Variants in RBFOX1 observed in about 807,000 individuals in gnomAD.
The protein encoded by RBFOX1 is RNA binding protein fox-1 homolog 1.
In RBFOX1, 8 loss-of-function variants were observed where a neutral mutation model predicts 57.7. The ratio of observed to expected loss-of-function variants is 0.14; its 90% CI spans 0.08 to 0.25. The LOEUF (loss-of-function observed/expected upper bound fraction) is 0.25, where lower values mean the gene tolerates loss of function less well. Among genes scored for constraint, RBFOX1 ranks in the 10% least tolerant of loss-of-function variants. The probability of loss-of-function intolerance (pLI) is 1.00; values close to 1 mark genes in which losing one functional copy is unlikely to be tolerated. For missense variants in RBFOX1, 611 were observed against 548.5 expected (o/e 1.11, Z -1.14); for synonymous variants, 326 against 222.4 (o/e 1.47, Z -4.15).
chr16:7,012,014 C>T (rs1351747797), intron 3 of RBFOX1, among the ~76,000 whole-genome samples: 1 of 152,066 alleles, frequency 6.6e-6, no homozygotes, highest in African/African-American at 2.4e-5. Context: ...GAGGTCTAGT[C>T]CAGTCACTGT....
At chr16:6,657,091 CCCTTTACTCTCCTCT>C (rs1358904759) in intron 3 of RBFOX1, among the ~76,000 whole-genome samples, 2 of 86,534 alleles carry the variant, frequency 2.3e-5, no homozygotes, top group Admixed American at 2.8e-4. Flanking sequence ...TCCTCTCCTC[CCCTTTACTCTCCTCT>C]CCTCCCCTCT....
intron 2 of RBFOX1, among the ~76,000 whole-genome samples, chr16:6,403,249 T>C (rs2093147197): frequency 6.6e-6 from 1 of 152,206 alleles, no homozygotes; most frequent in Admixed American, 6.5e-5. Context: ...AAACAAAAGT[T>C]TGAGAAGCAC....
intron 3 of RBFOX1, among the ~76,000 whole-genome samples, chr16:5,611,971 A>G (rs1002145723): frequency 1.2e-4 from 18 of 151,842 alleles, no homozygotes; most frequent in African/African-American, 4.4e-4. Flanking sequence ...ACAAAAAATA[A>G]AATAAAAACA....
At chr16:5,401,570 AC>A (rs368884789) in intron 1 of RBFOX1, among the ~76,000 whole-genome samples, 9 of 151,862 alleles carry the variant, frequency 5.9e-5, no homozygotes, top group African/African-American at 2.2e-4. Context: ...TAATTTTGAC[AC>A]CCTTCCCCTA....
At chr16:7,215,725 ATTTT>A in intron 4 of RBFOX1, among the ~76,000 whole-genome samples, 1 of 133,342 alleles carries the variant, frequency 7.5e-6, no homozygotes, top group African/African-American at 2.9e-5. Flanking sequence ...CCTATTCTGG[ATTTT>A]TTTTTTTTTT....
intron 1 of RBFOX1, among the ~76,000 whole-genome samples, chr16:6,292,266 T>C (rs1300780584): frequency 6.6e-6 from 1 of 151,374 alleles, no homozygotes; most frequent in East Asian, 1.9e-4. Context: ...TCTCTAAAAA[T>C]AAAATAGAAA....
chr16:7,558,923 TA>T (rs2089574746), intron 5 of RBFOX1, among the ~76,000 whole-genome samples: 2 of 152,252 alleles, frequency 1.3e-5, no homozygotes, highest in Non-Finnish European at 2.9e-5. Flanking sequence ...GCATTTATGC[TA>T]AATGAACCCC....
chr16:7,599,421 A>G (rs2094889289), intron 9 of RBFOX1, among the ~76,000 whole-genome samples: 1 of 151,642 alleles, frequency 6.6e-6, no homozygotes, highest in Non-Finnish European at 1.5e-5. Context: ...TTATTGATCA[A>G]TTTTATGACC....
At chr16:6,519,762 C>T (rs917022357) in intron 2 of RBFOX1, among the ~76,000 whole-genome samples, 6 of 152,038 alleles carry the variant, frequency 3.9e-5, no homozygotes, top group Admixed American at 2.6e-4. Context: ...TATTGTATGC[C>T]CGGTTCTGTA....
intron 4 of RBFOX1, among the ~76,000 whole-genome samples, chr16:7,473,923 C>G (rs1205398571): frequency 6.6e-6 from 1 of 152,192 alleles, no homozygotes; most frequent in Admixed American, 6.5e-5. Context: ...CCTCAAGCAC[C>G]TTTTGAACTC....
intron 1 of RBFOX1, among the ~76,000 whole-genome samples, chr16:5,259,068 G>T (rs1368000385): frequency 6.6e-6 from 1 of 152,172 alleles, no homozygotes; most frequent in Non-Finnish European, 1.5e-5. Flanking sequence ...CTCTGATGCT[G>T]ATAAAGCCCA....
At chr16:6,750,103 T>G (rs2074628294) in intron 3 of RBFOX1, among the ~76,000 whole-genome samples, 1 of 152,162 alleles carries the variant, frequency 6.6e-6, no homozygotes, top group African/African-American at 2.4e-5. Context: ...GTTATGATCT[T>G]TCTGTTACTG....
chr16:7,207,669 T>C (rs550013026), intron 4 of RBFOX1, among the ~76,000 whole-genome samples: 1 of 152,248 alleles, frequency 6.6e-6, no homozygotes, highest in Admixed American at 6.5e-5. Context: ...GGAAGAAATG[T>C]TTTATCTTTG....
chr16:7,709,164 T>G (rs2083446450), intron 15 of RBFOX1, 33 bp downstream of exon 15: 9 of 1,561,862 alleles, frequency 5.8e-6, no homozygotes, highest in Middle Eastern at 1.7e-4. Flanking sequence ...CCTCACTTCC[T>G]CCTGCCTCCC....
chr16:6,366,869 G>A (rs1426030896), intron 2 of RBFOX1, among the ~76,000 whole-genome samples: 1 of 152,110 alleles, frequency 6.6e-6, no homozygotes, highest in Non-Finnish European at 1.5e-5. Flanking sequence ...ATATCAGAGT[G>A]GCTCTCTCTA....
intron 4 of RBFOX1, among the ~76,000 whole-genome samples, chr16:7,269,371 A>G (rs2095260779): frequency 6.6e-6 from 1 of 152,152 alleles, no homozygotes; most frequent in African/African-American, 2.4e-5. Flanking sequence ...ATCATCCATT[A>G]GCTGCTCATC....
intron 4 of RBFOX1, among the ~76,000 whole-genome samples, chr16:5,901,857 T>A (rs762290591): frequency 2.0e-4 from 30 of 152,178 alleles, no homozygotes; most frequent in Non-Finnish European, 3.4e-4. Context: ...CTGCTGAAAA[T>A]TCCTTCCCTC....
In RBFOX1 at chr16:6,949,902, A is replaced by T. The variant is rs371386867; in HGVS notation, c.-15-102155A>T. ...CTGTTCTCCCTTTAAAACTGTCTTC[A>T]TCCTCAGCGTAGGTAGCTCCTTCCC... On this transcript the variant is annotated intron_variant, in intron 3 of 15. Transcript: ENST00000550418. 7.3e-5 allele frequency among the ~76,000 whole-genome samples: 11 copies of T among 151,074 alleles called. No homozygotes were observed. The East Asian group carries it at 1.2e-3, about 16-fold the overall frequency.
intron 3 of RBFOX1, among the ~76,000 whole-genome samples, chr16:5,862,209 G>A (rs1413769038): frequency 6.6e-6 from 1 of 152,198 alleles, no homozygotes; most frequent in African/African-American, 2.4e-5. Context: ...TGAATGACTA[G>A]CAACAGAAGT....
Sources: gnomAD v4.1 joint callset for allele counts (sites outside exome capture counted in the v4.1 genomes callset) on GRCh38, gnomAD v4.1.1 for gene constraint, MANE v1.5 for transcripts, NCBI Gene and HGNC (gene_info 2026-07-23, HGNC 2026-07-21) for gene names.